Variants in CTNNA3 observed in about 807,000 individuals in gnomAD.
CTNNA3 encodes catenin alpha-3.
In CTNNA3, 76 loss-of-function variants were observed where a neutral mutation model predicts 95.7. The ratio of observed to expected loss-of-function variants is 0.79; its 90% CI spans 0.66 to 0.96. The LOEUF (loss-of-function observed/expected upper bound fraction) is 0.96. Ranked by LOEUF, CTNNA3 falls within the 40% of genes least tolerant of loss-of-function variation. The pLI is 0.00. For synonymous variants in CTNNA3, 431 were observed against 374.4 expected (o/e 1.15, Z -1.74); for missense variants, 1,191 against 1,089.8 (o/e 1.09, Z -1.31).
intron 13 of CTNNA3, among the ~76,000 whole-genome samples, chr10:66,261,646 A>G (rs1365508318): frequency 1.3e-5 from 2 of 152,032 alleles, no homozygotes; most frequent in Non-Finnish European, 2.9e-5. Flanking sequence ...TGTAACTGAA[A>G]GTCACTAGAT....
chr10:66,084,962 CATCTGACAAGATAAGA>C (rs961925449), intron 14 of CTNNA3: 4 of 152,088 alleles, frequency 2.6e-5, no homozygotes, highest in Non-Finnish European at 5.9e-5. Context: ...CTTCTGGACT[CATCTGACAAGATAAGA>C]ATCATCAAGC....
intron 10 of CTNNA3, among the ~76,000 whole-genome samples, chr10:66,571,690 T>C (rs1842871444): frequency 6.6e-6 from 1 of 152,180 alleles, no homozygotes; most frequent in Non-Finnish European, 1.5e-5. Context: ...GTCCCTCTCA[T>C]AAGAACTTTA....
At chr10:66,755,405 A>G (rs898319184) in intron 9 of CTNNA3, among the ~76,000 whole-genome samples, 2 of 152,138 alleles carry the variant, frequency 1.3e-5, no homozygotes, top group Admixed American at 6.6e-5. Flanking sequence ...GAATATTGGA[A>G]ACAATCGAAA....
chr10:66,878,291 C>T (rs1001082560), intron 7 of CTNNA3, among the ~76,000 whole-genome samples: 1 of 152,068 alleles, frequency 6.6e-6, no homozygotes, highest in Non-Finnish European at 1.5e-5. Flanking sequence ...ATCCGGCTCA[C>T]GGCAGCCTCA....
chr10:67,388,041 C>T (rs1296769607), intron 5 of CTNNA3, among the ~76,000 whole-genome samples: 6 of 151,546 alleles, frequency 4.0e-5, no homozygotes, highest in Admixed American at 6.6e-5. Flanking sequence ...TCACCAGCAA[C>T]GGAACAAAGC....
At chr10:67,096,147 T>C (rs1589732559) in intron 7 of CTNNA3, among the ~76,000 whole-genome samples, 2 of 152,020 alleles carry the variant, frequency 1.3e-5, no homozygotes, top group East Asian at 3.9e-4. Context: ...ATATATTTTA[T>C]ATGCCGAAAT....
intron 14 of CTNNA3, among the ~76,000 whole-genome samples, chr10:66,072,607 G>A (rs6480136): frequency 0.29 from 43,264 of 151,698 alleles, 6,845 homozygotes; most frequent in South Asian, 0.43. Flanking sequence ...ACTGTGCCCA[G>A]CTAATTTTTG....
chr10:66,556,024 T>TA (rs1288368076), intron 10 of CTNNA3, among the ~76,000 whole-genome samples: 1 of 151,124 alleles, frequency 6.6e-6, no homozygotes, highest in Non-Finnish European at 1.5e-5. Flanking sequence ...ACAGCAAAAA[T>TA]AAAAAACAAA....
At chr10:67,026,023 C>G (rs542115601) in intron 7 of CTNNA3, among the ~76,000 whole-genome samples, 1 of 150,842 alleles carries the variant, frequency 6.6e-6, no homozygotes, top group East Asian at 2.0e-4. Context: ...AAACCAAACA[C>G]CGCATGTTCT....
In CTNNA3 at chr10:67,566,057, A is replaced by G. The variant is rs1323956727; in HGVS notation, c.293-26388T>C. On this transcript the variant is annotated intron_variant, in intron 3 of 17. Transcript: ENST00000433211. ...TATGTGTGTGTGTATATATATATAT[A>G]TATATATATATATATACAAAACCTA... Among the ~76,000 whole-genome samples, 100 of 89,330 alleles carry G rather than the reference A, an allele frequency of 1.1e-3. 12 individuals carry two copies. The highest frequency in any genetic ancestry group is 9.8e-3 in the East Asian group (21 of 2,140). The allele number at this position is 89,330 out of a possible 152,430, so 58.6% of individuals were successfully genotyped here. A position where few individuals can be genotyped will look rare whatever the true frequency, so the allele number is the denominator to read the frequency against.
chr10:67,192,616 G>A (rs931508672), intron 6 of CTNNA3, among the ~76,000 whole-genome samples: 1 of 151,936 alleles, frequency 6.6e-6, no homozygotes, highest in Middle Eastern at 3.4e-3. Flanking sequence ...TATTTGAGAC[G>A]ATGTGGAGAA....
intron 3 of CTNNA3, among the ~76,000 whole-genome samples, chr10:67,547,291 C>A (rs1215090233): frequency 6.6e-6 from 1 of 152,048 alleles, no homozygotes; most frequent in African/African-American, 2.4e-5. Flanking sequence ...TTTAAAAGTT[C>A]TCTGAGAAAA....
At chr10:66,938,325 C>T (rs1319626532) in intron 7 of CTNNA3, among the ~76,000 whole-genome samples, 1 of 151,992 alleles carries the variant, frequency 6.6e-6, no homozygotes, top group East Asian at 1.9e-4. Context: ...TATTTTACTC[C>T]CCCAGAACTA....
At chr10:67,332,245 T>C (rs1487161666) in intron 5 of CTNNA3, among the ~76,000 whole-genome samples, 4 of 152,230 alleles carry the variant, frequency 2.6e-5, no homozygotes, top group Non-Finnish European at 5.9e-5. Flanking sequence ...TTCTGATTCA[T>C]GCTTTTGAAA....
chr10:67,675,095 T>C (rs1319105024), intron 1 of CTNNA3, among the ~76,000 whole-genome samples: 5 of 152,158 alleles, frequency 3.3e-5, no homozygotes, highest in Non-Finnish European at 7.4e-5. Context: ...TTTTGACTTA[T>C]TTATGGGTCA....
At chr10:67,213,129 A>T (rs1279194713) in intron 6 of CTNNA3, among the ~76,000 whole-genome samples, 2 of 151,836 alleles carry the variant, frequency 1.3e-5, no homozygotes, top group Non-Finnish European at 3.0e-5. Flanking sequence ...TATTTCATTC[A>T]GATTGTCTAT....
intron 15 of CTNNA3, 108 bp from the exon 16 acceptor site, chr10:65,988,905 A>G: frequency 2.9e-6 from 2 of 695,838 alleles, no homozygotes. Flanking sequence ...CCATCCGCAT[A>G]TGTAAAATAT....
At chr10:67,441,682 A>T in intron 5 of CTNNA3, among the ~76,000 whole-genome samples, 1 of 152,104 alleles carries the variant, frequency 6.6e-6, no homozygotes, top group African/African-American at 2.4e-5. Flanking sequence ...GAAGGAAAAA[A>T]CTTTTATTCT....
At chr10:67,323,135 A>AGTTT (rs1207000805) in intron 5 of CTNNA3, among the ~76,000 whole-genome samples, 4 of 152,112 alleles carry the variant, frequency 2.6e-5, no homozygotes, top group Non-Finnish European at 4.4e-5. Flanking sequence ...ACAGATGCAT[A>AGTTT]GTTTGCTAAA....
Sources: allele counts gnomAD v4.1 joint callset (sites outside exome capture counted in the v4.1 genomes callset), GRCh38; gene constraint gnomAD v4.1.1; transcripts MANE v1.5; gene names NCBI Gene and HGNC (gene_info 2026-07-23, HGNC 2026-07-21).